Variants in CMIP observed in about 807,000 individuals in gnomAD.
CMIP encodes C-Maf-inducing protein.
CMIP carries 13 observed loss-of-function variants against 97.3 expected under a neutral mutation model. That is an observed-to-expected ratio of 0.13 (90% CI 0.09 to 0.21). The LOEUF is 0.21. Among genes scored for constraint, CMIP ranks in the 10% least tolerant of loss-of-function variants. CMIP has a pLI of 1.00. For synonymous variants in CMIP, 538 were observed against 436.3 expected, an observed-to-expected ratio of 1.23 and a Z score of -2.91; for missense variants, 847 against 1,024.9, an observed-to-expected ratio of 0.83 and a Z score of 2.37.
intron 1 of CMIP, among the ~76,000 whole-genome samples, chr16:81,572,113 T>G (rs1414351698): frequency 1.3e-5 from 2 of 152,182 alleles, no homozygotes; most frequent in African/African-American, 2.4e-5. Context: ...CCCTCCTGTC[T>G]CCCGGGGGCT....
In CMIP at chr16:81,653,447, C is replaced by G. The variant is rs143925982; in HGVS notation, c.639+1083C>G. 8.8e-3 allele frequency among the ~76,000 whole-genome samples: 1,338 copies of G among 152,364 alleles called. 10 individuals are homozygous for G. The highest frequency in any genetic ancestry group is 0.012 in the Non-Finnish European group (842 of 68,034). On this transcript the variant is annotated intron_variant, in intron 4 of 20. Transcript: ENST00000537098. ...AGAAAGTAGGTGGCAGTGACAGTCT[C>G]AGGCAGAGGGACAGAGGTCAGAGGT...
chr16:81,483,202 T>A (rs969513800), intron 1 of CMIP, among the ~76,000 whole-genome samples: 2 of 152,098 alleles, frequency 1.3e-5, no homozygotes, highest in African/African-American at 4.8e-5. Flanking sequence ...AGGTGACACT[T>A]GAGCAGGTTT....
intron 1 of CMIP, among the ~76,000 whole-genome samples, chr16:81,548,499 CA>C (rs1218824535): frequency 6.6e-6 from 1 of 152,038 alleles, no homozygotes; most frequent in Non-Finnish European, 1.5e-5. Context: ...CCCTGGCCTC[CA>C]CTCACTAGAT....
chr16:81,602,615 G>C (rs74635460), intron 1 of CMIP, among the ~76,000 whole-genome samples: 194 of 152,340 alleles, frequency 1.3e-3, no homozygotes, highest in African/African-American at 4.6e-3. Flanking sequence ...AACCATGGGT[G>C]TGATTTCAGC....
At chr16:81,690,594 C>G (rs926303778) in intron 10 of CMIP, among the ~76,000 whole-genome samples, 9 of 152,182 alleles carry the variant, frequency 5.9e-5, no homozygotes, top group Admixed American at 5.2e-4. Flanking sequence ...GCCTCCGCCT[C>G]CCAGGTTCTA....
At position 81,620,872 on chromosome 16, in the gene CMIP, A is replaced by T. The variant is rs745512245; in HGVS notation, c.427-4A>T. 1.2e-6 allele frequency: 2 copies of T among 1,613,824 alleles called. No individual in the cohort carries two copies. The highest frequency in any genetic ancestry group is 1.7e-6 in the Non-Finnish European group (2 of 1,179,852). On this transcript the variant is annotated splice_polypyrimidine_tract_variant and splice_region_variant and intron_variant, in intron 2 of 20. Transcript: ENST00000537098. The stretch of plus-strand genomic sequence containing the variant: ...ACCTTGCTGTCCTGTTCTTGTCGTT[A>T]CAGGCTGCCAATAGCTACCTGCGAG...
At chr16:81,455,989 G>T (rs1906521711) in intron 1 of CMIP, among the ~76,000 whole-genome samples, 1 of 152,218 alleles carries the variant, frequency 6.6e-6, no homozygotes, top group African/African-American at 2.4e-5. Context: ...AAGTGCAGTG[G>T]GGTCTCAGCT....
intron 10 of CMIP, among the ~76,000 whole-genome samples, chr16:81,681,416 C>T (rs1467862203): frequency 6.6e-6 from 1 of 152,204 alleles, no homozygotes; most frequent in Non-Finnish European, 1.5e-5. Flanking sequence ...GTGCCACATA[C>T]TAGTTGTGAC....
At chr16:81,445,660 G>T (rs928090737) in intron 1 of CMIP, 119 bp downstream of exon 1, 1 of 1,134,674 alleles carries the variant, frequency 8.8e-7, no homozygotes, top group Non-Finnish European at 1.2e-6. Context: ...GGGGGGTGCC[G>T]GGGGAACGGG....
chr16:81,597,598 G>GC (rs958955926), intron 1 of CMIP, among the ~76,000 whole-genome samples: 1 of 151,224 alleles, frequency 6.6e-6, no homozygotes, highest in Admixed American at 6.6e-5. Context: ...GGGAGCGGGG[G>GC]GGGGGGAGTC....
chr16:81,465,471 C>G (rs1032635296), intron 1 of CMIP, among the ~76,000 whole-genome samples: 6 of 152,246 alleles, frequency 3.9e-5, no homozygotes, highest in African/African-American at 1.4e-4. Flanking sequence ...TTTTCCTGTT[C>G]TCTGTCCCCA....
chr16:81,595,673 G>A (rs2091543717), intron 1 of CMIP, among the ~76,000 whole-genome samples: 1 of 152,178 alleles, frequency 6.6e-6, no homozygotes, highest in African/African-American at 2.4e-5. Context: ...ACAGGCATGA[G>A]CCACCACGCC....
At chr16:81,574,052 A>G (rs1257328215) in intron 1 of CMIP, among the ~76,000 whole-genome samples, 3 of 152,196 alleles carry the variant, frequency 2.0e-5, no homozygotes, top group Admixed American at 6.5e-5. Context: ...TGCCTGTTCT[A>G]TGCTAAATTA....
intron 1 of CMIP, among the ~76,000 whole-genome samples, chr16:81,594,471 G>A (rs911264435): frequency 1.3e-5 from 2 of 151,958 alleles, no homozygotes; most frequent in Non-Finnish European, 2.9e-5. Flanking sequence ...CAGTTGGGTT[G>A]ATTTCACCGT....
intron 4 of CMIP, among the ~76,000 whole-genome samples, chr16:81,654,789 G>C (rs1022997763): frequency 6.6e-6 from 1 of 152,230 alleles, no homozygotes; most frequent in Non-Finnish European, 1.5e-5. Context: ...CCTCGCCCGG[G>C]TCTGCCCAGT....
chr16:81,614,459 G>A lies in CMIP; in HGVS notation c.427-6417G>A, dbSNP rs1222640603. 1.3e-5 allele frequency among the ~76,000 whole-genome samples: 2 copies of A among 152,210 alleles called. No homozygotes were observed. Among genetic ancestry groups the A allele is most frequent in the African/African-American group, 4.8e-5 (2 of 41,442 alleles). ...GCATTGGCCTGTGTGCTTGCCAGGA[G>A]CCCGGAGGGAAGAGACCTGGAAATG... On this transcript the variant is annotated intron_variant, in intron 2 of 20. Transcript: ENST00000537098. This position sits in a 1 kb window ranked among gnomAD's most constrained non-coding sequence, Gnocchi z 5.3.
At chr16:81,658,473 A>C (rs2092509620) in intron 5 of CMIP, among the ~76,000 whole-genome samples, 1 of 152,214 alleles carries the variant, frequency 6.6e-6, no homozygotes, top group Admixed American at 6.5e-5. Context: ...CAAAAAATAG[A>C]GACATTGAGT....
rs1057254714 is a variant in CMIP, at chr16:81,711,032, C to A, written c.*1233C>A. On this transcript the variant is annotated 3_prime_UTR_variant, in exon 21 of 21. Transcript: ENST00000537098. Reference sequence around the variant, plus strand: ...GCCCTCCCCACCCCACCCCCGCCACCCCCCACATGTGACCACTGCAACGAA... The same window carrying A: ...GCCCTCCCCACCCCACCCCCGCCACACCCCACATGTGACCACTGCAACGAA... 5.3e-5 allele frequency: 8 copies of A among 150,004 alleles called. No homozygotes were observed. Among genetic ancestry groups the A allele is most frequent in the African/African-American group, 2.0e-4 (8 of 40,608 alleles). The allele number at this position is 150,004 out of a possible 1,614,324, so 9.3% of individuals were successfully genotyped here. A position where few individuals can be genotyped will look rare whatever the true frequency, so the allele number is the denominator to read the frequency against.
chr16:81,576,655 T>C (rs574326374), intron 1 of CMIP, among the ~76,000 whole-genome samples: 7 of 152,190 alleles, frequency 4.6e-5, no homozygotes, highest in Non-Finnish European at 8.8e-5. Flanking sequence ...GAGCGTGGTG[T>C]ATTACCCACT....
Sources: gnomAD v4.1 joint callset for allele counts (sites outside exome capture counted in the v4.1 genomes callset) on GRCh38, gnomAD v4.1.1 for gene constraint, Gnocchi (gnomAD v3.1) non-coding constraint, MANE v1.5 for transcripts, NCBI Gene and HGNC (gene_info 2026-07-23, HGNC 2026-07-21) for gene names.